Variants in BACH2 observed in about 807,000 individuals in gnomAD.
The protein encoded by BACH2 is transcription regulator protein BACH2.
In BACH2, 5 loss-of-function variants were observed where a neutral mutation model predicts 61.8. The ratio of observed to expected loss-of-function variants is 0.08; its 90% CI spans 0.04 to 0.17. BACH2 has a LOEUF of 0.17. BACH2 is among the 10% of genes least tolerant of loss of function. The pLI is 1.00. For missense variants in BACH2, 824 were observed against 1,091.1 expected, an observed-to-expected ratio of 0.76 and a Z score of 3.45; for synonymous variants, 446 against 440.1, an observed-to-expected ratio of 1.01 and a Z score of -0.17.
chr6:89,958,539 A>G lies in BACH2; in HGVS notation c.244-6677T>C, dbSNP rs181496463. Among the ~76,000 whole-genome samples, 202 of 152,348 alleles carry G rather than the reference A, an allele frequency of 1.3e-3. 1 individual carries two copies. The highest frequency in any genetic ancestry group is 4.6e-3 in the African/African-American group (193 of 41,586). ...CTGGCATTAAGTAACAACCAGTATT[A>G]TTGCTGTTGCTACAAATATGAATAA... On this transcript the variant is annotated intron_variant, in intron 6 of 8. Coordinates refer to ENST00000257749, the MANE Select transcript of BACH2 (RefSeq NM_021813.4).
intron 4 of BACH2, among the ~76,000 whole-genome samples, chr6:90,097,107 C>G (rs1196168001): frequency 6.6e-6 from 1 of 152,186 alleles, no homozygotes; most frequent in Non-Finnish European, 1.5e-5. Flanking sequence ...TGTCTGCCCT[C>G]TCTTCCCAGG....
chr6:90,118,890 T>C (rs186485459), intron 4 of BACH2, among the ~76,000 whole-genome samples: 4 of 152,268 alleles, frequency 2.6e-5, no homozygotes, highest in African/African-American at 9.6e-5. Flanking sequence ...TACCTATATC[T>C]AGAAAATGTT....
chr6:90,220,292 GT>G (rs1456459582), intron 3 of BACH2, among the ~76,000 whole-genome samples: 1 of 152,052 alleles, frequency 6.6e-6, no homozygotes, highest in Non-Finnish European at 1.5e-5. Flanking sequence ...TAAGAATAAG[GT>G]CTGCATTAGC....
intron 3 of BACH2, among the ~76,000 whole-genome samples, chr6:90,231,721 T>C (rs561443337): frequency 6.6e-6 from 1 of 152,366 alleles, no homozygotes; most frequent in Admixed American, 6.5e-5. Context: ...CTTGCTATTA[T>C]AGCCAATAAT....
At chr6:90,088,733 G>A (rs1441785117) in intron 5 of BACH2, among the ~76,000 whole-genome samples, 1 of 152,064 alleles carries the variant, frequency 6.6e-6, no homozygotes, top group Non-Finnish European at 1.5e-5. Flanking sequence ...CCAGCAAGCT[G>A]TACTTCAACA....
At chr6:90,092,315 T>TATATATACACAC (rs142761642) in intron 4 of BACH2, among the ~76,000 whole-genome samples, 24 of 112,468 alleles carry the variant, frequency 2.1e-4, no homozygotes, top group African/African-American at 8.2e-4. Flanking sequence ...TATATATATA[T>TATATATACACAC]ACACACACAC....
At chr6:90,151,362 G>A (rs879891094) in intron 4 of BACH2, among the ~76,000 whole-genome samples, 3 of 152,028 alleles carry the variant, frequency 2.0e-5, no homozygotes, top group Admixed American at 2.0e-4. Flanking sequence ...ACACCTTACT[G>A]TAGCCTCGAC....
At chr6:90,057,458 A>T (rs544378161) in intron 5 of BACH2, among the ~76,000 whole-genome samples, 29 of 152,268 alleles carry the variant, frequency 1.9e-4, no homozygotes, top group South Asian at 4.1e-4. Flanking sequence ...CAATAACAGG[A>T]GCTGAAATTG....
intron 5 of BACH2, among the ~76,000 whole-genome samples, chr6:90,061,815 G>A (rs770682767): frequency 2.0e-5 from 3 of 152,142 alleles, no homozygotes; most frequent in Non-Finnish European, 2.9e-5. Context: ...AGGAAGATGC[G>A]GCAACAAGGT....
chr6:90,290,253 C>G (rs1048872627), intron 1 of BACH2, among the ~76,000 whole-genome samples: 2 of 152,200 alleles, frequency 1.3e-5, no homozygotes, highest in African/African-American at 4.8e-5. Flanking sequence ...ACCTCCCGAC[C>G]AGGTTAAATC....
At chr6:90,156,727 C>T (rs906491186) in intron 4 of BACH2, among the ~76,000 whole-genome samples, 2 of 152,128 alleles carry the variant, frequency 1.3e-5, no homozygotes, top group African/African-American at 4.8e-5. Flanking sequence ...GCAGATTTCA[C>T]AGGGACCATT....
At chr6:89,952,098 G>T in intron 6 of BACH2, 1 of 561,432 alleles carries the variant, frequency 1.8e-6, no homozygotes, top group Non-Finnish European at 3.1e-6. Flanking sequence ...AAATCACCAG[G>T]GTCAAGTGGC....
At chr6:90,104,560 G>A (rs1487917715) in intron 4 of BACH2, 1 of 152,226 alleles carries the variant, frequency 6.6e-6, no homozygotes, top group African/African-American at 2.4e-5. Context: ...CTTCAGTTAG[G>A]CCAGGGAGGC....
chr6:90,131,177 T>C (rs970715202), intron 4 of BACH2, among the ~76,000 whole-genome samples: 9 of 152,310 alleles, frequency 5.9e-5, no homozygotes, highest in Admixed American at 3.3e-4. Flanking sequence ...ATAGTGAAGT[T>C]TGACCCTAAA....
At chr6:90,036,135 C>A (rs1336231756) in intron 5 of BACH2, among the ~76,000 whole-genome samples, 1 of 148,506 alleles carries the variant, frequency 6.7e-6, no homozygotes, top group Non-Finnish European at 1.5e-5. Context: ...AAAAATAATT[C>A]TAAAACAGGG....
chr6:90,012,102 T>G (rs956607086), intron 5 of BACH2, among the ~76,000 whole-genome samples: 4 of 152,040 alleles, frequency 2.6e-5, no homozygotes, highest in Non-Finnish European at 5.9e-5. Context: ...AGCCTCTATA[T>G]CTACTTTTAT....
chr6:89,985,076 G>A (rs115935415), intron 6 of BACH2, among the ~76,000 whole-genome samples: 1,775 of 152,238 alleles, frequency 0.012, 46 homozygotes, highest in African/African-American at 0.04. Flanking sequence ...AGTTACTTCC[G>A]TGTGGTGGGC....
At chr6:90,205,858 T>C (rs1769127460) in intron 4 of BACH2, among the ~76,000 whole-genome samples, 1 of 152,224 alleles carries the variant, frequency 6.6e-6, no homozygotes. Context: ...ATACTCACTA[T>C]GTTGACCCAA....
chr6:90,231,181 A>C (rs989502167), intron 3 of BACH2, among the ~76,000 whole-genome samples: 3 of 152,200 alleles, frequency 2.0e-5, no homozygotes, highest in African/African-American at 7.2e-5. Context: ...ATAACAGAAG[A>C]CAATTATGAA....
Sources: allele counts gnomAD v4.1 joint callset (sites outside exome capture counted in the v4.1 genomes callset), GRCh38; gene constraint gnomAD v4.1.1; transcripts MANE v1.5; gene names NCBI Gene and HGNC (gene_info 2026-07-23, HGNC 2026-07-21).